Variants in ARF4 observed in about 807,000 individuals in gnomAD.
ARF4 encodes the protein ARF GTPase 4, also known as ADP-ribosylation factor 4.
In ARF4, 5 loss-of-function variants were observed where a neutral mutation model predicts 24.3. That is an observed-to-expected ratio of 0.21 (90% confidence interval 0.11 to 0.43). ARF4 has a LOEUF of 0.43. ARF4 is among the 20% of genes least tolerant of loss of function. The probability of loss-of-function intolerance (pLI) is 1.00; values close to 1 mark genes in which losing one functional copy is unlikely to be tolerated. For missense variants in ARF4, 107 were observed against 213.0 expected (o/e 0.50, Z 3.10); for synonymous variants, 62 against 73.5 (o/e 0.84, Z 0.80).
rs1280020276 is a variant in ARF4, at chr3:57,572,121, C to T, written c.*91G>A. 1 of 978,052 alleles carries T rather than the reference C, an allele frequency of 1.0e-6. No homozygotes were observed. The highest frequency in any genetic ancestry group is 1.7e-5 in the Admixed American group (1 of 57,424). 60.6% of individuals were successfully genotyped at this position (978,052 alleles called of 1,614,324 possible). A position where few individuals can be genotyped will look rare whatever the true frequency, so the allele number is the denominator to read the frequency against. On this transcript the variant is annotated 3_prime_UTR_variant, in exon 6 of 6. Transcript: ENST00000303436. Reference sequence around the variant, plus strand: ...ATTCTGCCCAAACCAGTCCCAGATACTGTTTAATAACCAAGATACAAACTA... The same window carrying T: ...ATTCTGCCCAAACCAGTCCCAGATATTGTTTAATAACCAAGATACAAACTA...
intron 1 of ARF4, among the ~76,000 whole-genome samples, chr3:57,587,312 T>A (rs1213061758): frequency 4.7e-5 from 5 of 106,836 alleles, no homozygotes; most frequent in African/African-American, 1.9e-4. Context: ...AGAGCGGAAC[T>A]CAGTCTCAAA....
intron 5 of ARF4, among the ~76,000 whole-genome samples, chr3:57,574,005 G>A (rs529497594): frequency 1.3e-5 from 2 of 152,116 alleles, no homozygotes; most frequent in African/African-American, 4.8e-5. Flanking sequence ...GCAGTGGCGT[G>A]ATCTCGGCTC....
chr3:57,576,139 CA>C (rs972574674), intron 4 of ARF4, among the ~76,000 whole-genome samples: 2 of 149,652 alleles, frequency 1.3e-5, no homozygotes, highest in Non-Finnish European at 3.0e-5. Context: ...ATGAAATATA[CA>C]AAAAAAAAGT....
chr3:57,582,795 G>A (rs1251568613), intron 3 of ARF4, among the ~76,000 whole-genome samples: 1 of 152,132 alleles, frequency 6.6e-6, no homozygotes, highest in East Asian at 1.9e-4. Context: ...TTCCTTGGGT[G>A]GTAGAAAACA....
chr3:57,574,517 C>G (rs1452014370), intron 5 of ARF4, among the ~76,000 whole-genome samples: 1 of 151,486 alleles, frequency 6.6e-6, no homozygotes, highest in East Asian at 2.0e-4. Context: ...TCAAACAGTC[C>G]TCCCACCTCA....
intron 1 of ARF4, among the ~76,000 whole-genome samples, chr3:57,588,428 C>T (rs1421288733): frequency 6.6e-6 from 1 of 152,170 alleles, no homozygotes; most frequent in East Asian, 1.9e-4. Flanking sequence ...AGCTGGGAAG[C>T]TGTGCATGGT....
In ARF4 at chr3:57,584,476, CATT is replaced by C. The variant is rs757806290; in HGVS notation, c.68-15_68-13del. ...AGCATCCAATCCAACTAGAAGAAGA[CATT>C]ATAGATTTAAAATCCAGACCAAAAG... is the stretch of plus-strand genomic sequence containing the variant. On this transcript the variant is annotated splice_polypyrimidine_tract_variant and intron_variant, in intron 1 of 5. Transcript: ENST00000303436. The C allele has an allele frequency of 1.2e-6, 2 of 1,605,234 alleles. No individual in the cohort carries two copies. The highest frequency in any genetic ancestry group is 1.1e-5 in the South Asian group (1 of 90,200).
chr3:57,579,556 GGGATTA>G lies in ARF4; in HGVS notation c.259-2175_259-2170del, dbSNP rs768087396. On this transcript the variant is annotated intron_variant, in intron 3 of 5. Transcript: ENST00000303436. Reference sequence around the variant, plus strand: ...GCCTGCTTTGGCCTCCCAAAGTGCTGGGATTACAGGTGTGAGCCACCGCGCCCAGCC... The same window carrying G: ...GCCTGCTTTGGCCTCCCAAAGTGCTGCAGGTGTGAGCCACCGCGCCCAGCC... Among the ~76,000 whole-genome samples, 1,024 of 152,142 alleles carry G rather than the reference GGGATTA, an allele frequency of 6.7e-3. 9 individuals are homozygous for G. Among genetic ancestry groups the G allele is most frequent in the African/African-American group, 0.023 (965 of 41,504 alleles).
At chr3:57,594,042 G>T (rs1289624683) in intron 1 of ARF4, among the ~76,000 whole-genome samples, 1 of 152,116 alleles carries the variant, frequency 6.6e-6, no homozygotes, top group African/African-American at 2.4e-5. Flanking sequence ...GATCACCTGA[G>T]GTCAGGAGTT....
At chr3:57,577,741 A>T (rs2069923697) in intron 3 of ARF4, among the ~76,000 whole-genome samples, 1 of 152,136 alleles carries the variant, frequency 6.6e-6, no homozygotes, top group African/African-American at 2.4e-5. Flanking sequence ...CAAATCAAGG[A>T]TCCTAAAGAA....
intron 1 of ARF4, among the ~76,000 whole-genome samples, chr3:57,587,877 C>G (rs1180590043): frequency 6.6e-6 from 1 of 152,040 alleles, no homozygotes; most frequent in Non-Finnish European, 1.5e-5. Flanking sequence ...GCAGTTGTAT[C>G]AAAAATAACA....
At chr3:57,591,256 T>A (rs1472697712) in intron 1 of ARF4, among the ~76,000 whole-genome samples, 1 of 148,564 alleles carries the variant, frequency 6.7e-6, no homozygotes, top group African/African-American at 2.5e-5. Context: ...AAAAACTTGT[T>A]CATGAATGTT....
rs192033620 is a variant in ARF4 at position 57,585,523 on chromosome 3, A to G, written c.68-1059T>C. Among the ~76,000 whole-genome samples, 65 of 152,294 alleles carry G rather than the reference A, an allele frequency of 4.3e-4. No individual in the cohort carries two copies. In the East Asian group the frequency reaches 0.011, roughly 27 times the overall value. ...ATCACATTACCTAATGTAAACAACG[A>G]GTTAATGGGTGCAGCACACCAACAT... On this transcript the variant is annotated intron_variant, in intron 1 of 5. Coordinates refer to ENST00000303436, the MANE Select transcript of ARF4 (RefSeq NM_001660.4).
chr3:57,571,366 C>T lies in ARF4; in HGVS notation c.*846G>A, dbSNP rs1020139239. The T allele has an allele frequency of 1.3e-5, 2 of 152,480 alleles. No homozygotes were observed. Among genetic ancestry groups the T allele is most frequent in the South Asian group, 2.1e-4 (1 of 4,832 alleles). 9.4% of individuals were successfully genotyped at this position (152,480 alleles called of 1,614,324 possible). ...AACTCAAAAAGAACACACACAATTA[C>T]GTATTTTATCATTTTATTAGGAATA... On this transcript the variant is annotated 3_prime_UTR_variant, in exon 6 of 6. Transcript: ENST00000303436.
At chr3:57,594,181 G>A (rs921727487) in intron 1 of ARF4, among the ~76,000 whole-genome samples, 4 of 152,154 alleles carry the variant, frequency 2.6e-5, no homozygotes, top group African/African-American at 9.7e-5. Flanking sequence ...CCTAGATCAT[G>A]CCATTGCACT....
intron 3 of ARF4, among the ~76,000 whole-genome samples, chr3:57,580,589 G>T (rs2069958428): frequency 6.6e-6 from 1 of 150,694 alleles, no homozygotes; most frequent in South Asian, 2.1e-4. Flanking sequence ...ATTTTTTTTT[G>T]TAGAGACAGG....
At position 57,584,011 on chromosome 3, in the gene ARF4, C is replaced by A. The variant is rs745521800; in HGVS notation, c.149-4G>T. On this transcript the variant is annotated splice_region_variant and splice_polypyrimidine_tract_variant and intron_variant, in intron 2 of 5. Transcript: ENST00000303436. The stretch of plus-strand genomic sequence containing the variant: ...TCTACTGTTTCCACATTAAAACCTA[C>A]AAAGAAAAACAAAAATGACCGCTGT... The A allele has an allele frequency of 6.3e-7, 1 of 1,577,432 alleles. No homozygotes were observed. Among genetic ancestry groups the A allele is most frequent in the Admixed American group, 1.7e-5 (1 of 58,798 alleles).
At chr3:57,589,731 A>ATTTTT (rs1178550632) in intron 1 of ARF4, among the ~76,000 whole-genome samples, 1 of 151,624 alleles carries the variant, frequency 6.6e-6, no homozygotes, top group East Asian at 1.9e-4. Context: ...AAAACAAACA[A>ATTTTT]AAAACCCAAA....
chr3:57,595,027 C>T (rs759149435), intron 1 of ARF4, among the ~76,000 whole-genome samples: 9 of 152,130 alleles, frequency 5.9e-5, no homozygotes, highest in Non-Finnish European at 1.3e-4. Context: ...CGATAGCATG[C>T]CTGAGTAATA....
Sources: allele counts gnomAD v4.1 joint callset (sites outside exome capture counted in the v4.1 genomes callset), GRCh38; gene constraint gnomAD v4.1.1; transcripts MANE v1.5; gene names NCBI Gene and HGNC (gene_info 2026-07-23, HGNC 2026-07-21).